The following HCN1 variants were observed in gnomAD, a reference collection of about 807,000 sequenced individuals.
HCN1 encodes the protein potassium/sodium hyperpolarization-activated cyclic nucleotide-gated channel 1.
A neutral mutation model predicts 78.9 loss-of-function variants in HCN1; 13 were observed. The ratio of observed to expected loss-of-function variants is 0.16; its 90% confidence interval spans 0.11 to 0.26. HCN1 has a LOEUF of 0.26. HCN1 is among the 10% of genes least tolerant of loss of function. The pLI is 1.00. For missense variants in HCN1, 810 were observed against 1,154.3 expected (o/e 0.70, Z 4.32); for synonymous variants, 552 against 455.5 (o/e 1.21, Z -2.70).
At chr5:45,588,949 AAAG>A (rs1658773888) in intron 2 of HCN1, among the ~76,000 whole-genome samples, 1 of 152,230 alleles carries the variant, frequency 6.6e-6, no homozygotes, top group African/African-American at 2.4e-5. Context: ...TTATGTGCAG[AAAG>A]AAGAGATTAT....
At chr5:45,653,810 T>C (rs2589161) in intron 1 of HCN1, among the ~76,000 whole-genome samples, 76,233 of 151,782 alleles carry the variant, frequency 0.5, 20,317 homozygotes, top group African/African-American at 0.68. Context: ...GGGAGATATA[T>C]CTAATGCTAG....
intron 1 of HCN1, among the ~76,000 whole-genome samples, chr5:45,672,687 GA>G (rs1187977047): frequency 6.6e-6 from 1 of 151,046 alleles, no homozygotes; most frequent in Non-Finnish European, 1.5e-5. Context: ...TAAAAAATAA[GA>G]AAAAAATGTT....
chr5:45,386,964 A>T (rs1244908672), intron 4 of HCN1, among the ~76,000 whole-genome samples: 1 of 152,058 alleles, frequency 6.6e-6, no homozygotes, highest in Non-Finnish European at 1.5e-5. Context: ...GACAGCAAGA[A>T]ATCTTTTAAA....
At chr5:45,508,187 T>A (rs146846648) in intron 2 of HCN1, among the ~76,000 whole-genome samples, 1 of 152,268 alleles carries the variant, frequency 6.6e-6, no homozygotes, top group Admixed American at 6.5e-5. Flanking sequence ...TGATGAATAT[T>A]GAATTGGAAA....
intron 2 of HCN1, among the ~76,000 whole-genome samples, chr5:45,534,301 C>A (rs1742919336): frequency 6.8e-6 from 1 of 147,732 alleles, no homozygotes; most frequent in African/African-American, 2.5e-5. Context: ...GAGGCTGAGG[C>A]ACGAGAATCA....
intron 5 of HCN1, among the ~76,000 whole-genome samples, chr5:45,338,223 T>A (rs898356894): frequency 1.3e-5 from 2 of 152,152 alleles, no homozygotes; most frequent in Admixed American, 1.3e-4. Flanking sequence ...TAGGCAAAAG[T>A]CATTTGTATA....
At chr5:45,336,178 G>C (rs1746450866) in intron 5 of HCN1, among the ~76,000 whole-genome samples, 1 of 151,958 alleles carries the variant, frequency 6.6e-6, no homozygotes, top group Non-Finnish European at 1.5e-5. Context: ...TGAGAGGGAG[G>C]GGAGGATACT....
chr5:45,627,198 T>C (rs1207850853), intron 2 of HCN1, among the ~76,000 whole-genome samples: 3 of 152,168 alleles, frequency 2.0e-5, no homozygotes, highest in Admixed American at 2.0e-4. Context: ...TAGATGACAG[T>C]TTTCTTTTTG....
rs1037546613 is a variant in HCN1 at position 45,696,197 on chromosome 5, G to A, written c.-104C>T. 104 of 593,242 alleles carry A rather than the reference G, an allele frequency of 1.8e-4. No homozygotes were observed. The African/African-American group carries it at 1.9e-3, about 11-fold the overall frequency. The allele number at this position is 593,242 out of a possible 1,614,324, so 36.7% of individuals were successfully genotyped here. ...GTAGGGGCCCGAGCCGGCTGCCGGCGAGCCCAGCTGCCCGTCGCGGCGGCG... is the reference window on the plus strand; with the variant it reads ...GTAGGGGCCCGAGCCGGCTGCCGGCAAGCCCAGCTGCCCGTCGCGGCGGCG... On this transcript the variant is annotated 5_prime_UTR_variant, in exon 1 of 8. Coordinates refer to ENST00000303230, the MANE Select transcript of HCN1 (RefSeq NM_021072.4).
intron 1 of HCN1, among the ~76,000 whole-genome samples, chr5:45,686,639 A>T (rs923534544): frequency 1.2e-4 from 19 of 152,194 alleles, no homozygotes; most frequent in African/African-American, 4.3e-4. Flanking sequence ...TTCTGGAGTT[A>T]ATAAAGTTCT....
intron 2 of HCN1, among the ~76,000 whole-genome samples, chr5:45,606,321 A>G (rs994586445): frequency 1.3e-5 from 2 of 152,000 alleles, no homozygotes; most frequent in Admixed American, 6.6e-5. Context: ...GGGTGCATAT[A>G]TATGTATATC....
At chr5:45,460,119 A>G (rs1188151935) in intron 3 of HCN1, among the ~76,000 whole-genome samples, 1 of 152,152 alleles carries the variant, frequency 6.6e-6, no homozygotes, top group Admixed American at 6.6e-5. Flanking sequence ...GGCACTTTCT[A>G]TGGTCTGAAT....
In HCN1 at chr5:45,450,523, A is replaced by G. The variant is rs1579903123; in HGVS notation, c.1011+11323T>C. The stretch of plus-strand genomic sequence containing the variant: ...ACTTTTAAAAAGTGTTTTTGACACT[A>G]TGATTAATGAGTTATTTATTAATCA... On this transcript the variant is annotated intron_variant, in intron 3 of 7. Coordinates refer to ENST00000303230, the MANE Select transcript of HCN1 (RefSeq NM_021072.4). 4.6e-5 allele frequency among the ~76,000 whole-genome samples: 7 copies of G among 152,338 alleles called. No individual in the cohort carries two copies. The South Asian group carries it at 1.4e-3, about 32-fold the overall frequency.
intron 4 of HCN1, among the ~76,000 whole-genome samples, chr5:45,372,094 TA>T (rs1404794020): frequency 2.5e-4 from 14 of 55,002 alleles, no homozygotes; most frequent in South Asian, 4.9e-4. Context: ...TAATTATATA[TA>T]TATTTTATAT....
intron 2 of HCN1, among the ~76,000 whole-genome samples, chr5:45,577,041 C>A (rs1278971443): frequency 1.3e-5 from 2 of 152,020 alleles, no homozygotes; most frequent in Admixed American, 6.6e-5. Context: ...ATATTCTCTA[C>A]CTGAATGTAT....
chr5:45,574,831 T>A (rs1186427649), intron 2 of HCN1: 1 of 152,176 alleles, frequency 6.6e-6, no homozygotes, highest in Non-Finnish European at 1.5e-5. Flanking sequence ...GTGGTCTGGA[T>A]AGAAGATCAA....
intron 2 of HCN1, among the ~76,000 whole-genome samples, chr5:45,567,878 C>A (rs1029818787): frequency 7.0e-6 from 1 of 143,484 alleles, no homozygotes; most frequent in Non-Finnish European, 1.5e-5. Flanking sequence ...TTGTAAAATG[C>A]ATAACACCTC....
chr5:45,313,142 C>CG (rs1287167083), intron 5 of HCN1, among the ~76,000 whole-genome samples: 2 of 152,168 alleles, frequency 1.3e-5, no homozygotes, highest in Non-Finnish European at 2.9e-5. Context: ...ACACCTCACA[C>CG]GGCAGAGTAC....
At chr5:45,288,491 T>C (rs1745311106) in intron 6 of HCN1, among the ~76,000 whole-genome samples, 1 of 151,988 alleles carries the variant, frequency 6.6e-6, no homozygotes, top group South Asian at 2.1e-4. Context: ...CTTAATAATC[T>C]CATTTTACAC....
Sources: allele counts gnomAD v4.1 joint callset (sites outside exome capture counted in the v4.1 genomes callset), GRCh38; gene constraint gnomAD v4.1.1; transcripts MANE v1.5; gene names NCBI Gene and HGNC (gene_info 2026-07-23, HGNC 2026-07-21).